The following KCNQ5 variants were observed in gnomAD, a reference collection of about 807,000 sequenced individuals.
KCNQ5 encodes potassium voltage-gated channel subfamily KQT member 5.
In KCNQ5, 30 loss-of-function variants were observed where a neutral mutation model predicts 98.2. The ratio of observed to expected loss-of-function variants is 0.31; its 90% CI spans 0.23 to 0.41. KCNQ5 has a LOEUF of 0.41. KCNQ5 is among the 10% of genes least tolerant of loss of function. The probability of loss-of-function intolerance (pLI) is 1.00; values close to 1 mark genes in which losing one functional copy is unlikely to be tolerated. For missense variants in KCNQ5, 835 were observed against 1,182.5 expected, an observed-to-expected ratio of 0.71 and a Z score of 4.31; for synonymous variants, 458 against 449.4, an observed-to-expected ratio of 1.02 and a Z score of -0.24.
In KCNQ5 at chr6:72,622,610, A is replaced by G; in HGVS notation, c.398+23A>G. 2 of 1,610,366 alleles carry G rather than the reference A, an allele frequency of 1.2e-6. No individual in the cohort carries two copies. The highest frequency in any genetic ancestry group is 2.7e-5 in the African/African-American group (2 of 74,798). On this transcript the variant is annotated intron_variant, in intron 1 of 13. Coordinates refer to ENST00000370398, the MANE Select transcript of KCNQ5 (RefSeq NM_019842.4). This position sits in a 1 kb window ranked among gnomAD's most constrained non-coding sequence, Gnocchi z 6.0. ...CGTGTGAGTACCCGCGCCCCCTGCT[A>G]TGCCCGCTGCAGGGGACCACTGTCC...
intron 1 of KCNQ5, among the ~76,000 whole-genome samples, chr6:72,761,152 C>A (rs1460997306): frequency 3.3e-5 from 5 of 152,046 alleles, no homozygotes; most frequent in Non-Finnish European, 5.9e-5. Flanking sequence ...TCACTTTCAG[C>A]TGGAAGATTA....
chr6:73,145,825 A>G (rs1043686752), intron 10 of KCNQ5, among the ~76,000 whole-genome samples: 2 of 152,192 alleles, frequency 1.3e-5, no homozygotes, highest in Admixed American at 6.5e-5. Context: ...CAGTTCCACA[A>G]CCTGTACAGG....
At chr6:72,894,185 G>A (rs1208244868) in intron 1 of KCNQ5, among the ~76,000 whole-genome samples, 2 of 152,074 alleles carry the variant, frequency 1.3e-5, no homozygotes, top group African/African-American at 2.4e-5. Context: ...ATGAGTCAAA[G>A]CAATTATTCT....
At chr6:73,079,018 A>G (rs1204649799) in intron 5 of KCNQ5, among the ~76,000 whole-genome samples, 2 of 152,204 alleles carry the variant, frequency 1.3e-5, no homozygotes, top group African/African-American at 4.8e-5. Flanking sequence ...GAAAATAATC[A>G]TAGCCAAACA....
chr6:73,090,638 A>G (rs1278364819), intron 5 of KCNQ5, among the ~76,000 whole-genome samples: 2 of 152,164 alleles, frequency 1.3e-5, no homozygotes, highest in African/African-American at 2.4e-5. Context: ...TGGCTAGCCA[A>G]TTATCCCAGC....
chr6:73,070,973 A>G (rs774140776), intron 3 of KCNQ5, among the ~76,000 whole-genome samples: 11 of 152,188 alleles, frequency 7.2e-5, no homozygotes, highest in Non-Finnish European at 1.5e-4. Flanking sequence ...ATATAGGAAA[A>G]TATTTTTATA....
At chr6:72,863,115 A>G (rs1479016176) in intron 1 of KCNQ5, among the ~76,000 whole-genome samples, 2 of 152,174 alleles carry the variant, frequency 1.3e-5, no homozygotes, top group Non-Finnish European at 2.9e-5. Context: ...TACCCTGTAA[A>G]GTGTAGAGGA....
At chr6:72,954,360 A>C (rs1766944666) in intron 1 of KCNQ5, among the ~76,000 whole-genome samples, 1 of 152,238 alleles carries the variant, frequency 6.6e-6, no homozygotes, top group Admixed American at 6.5e-5. Flanking sequence ...TAGATGGAGA[A>C]GAATGACTAA....
chr6:72,672,980 A>G (rs1376305509), intron 1 of KCNQ5, among the ~76,000 whole-genome samples: 1 of 152,222 alleles, frequency 6.6e-6, no homozygotes, highest in Non-Finnish European at 1.5e-5. Flanking sequence ...TACTCCAGTG[A>G]GCTAATACTG....
intron 1 of KCNQ5, among the ~76,000 whole-genome samples, chr6:72,851,740 TAC>T (rs1355636363): frequency 6.6e-6 from 1 of 152,078 alleles, no homozygotes; most frequent in Non-Finnish European, 1.5e-5. Context: ...GGCAAATTAA[TAC>T]TTTAAGAAAT....
At chr6:73,192,920 A>G (rs1765645514) in intron 13 of KCNQ5, among the ~76,000 whole-genome samples, 1 of 152,098 alleles carries the variant, frequency 6.6e-6, no homozygotes, top group African/African-American at 2.4e-5. Flanking sequence ...ATTGGAAACA[A>G]CTATAGATTT....
At chr6:73,192,790 A>C (rs1765640429) in intron 13 of KCNQ5, 99 bp downstream of exon 13, 2 of 1,073,230 alleles carry the variant, frequency 1.9e-6, no homozygotes, top group Non-Finnish European at 2.5e-6. Flanking sequence ...TTTTAAAATA[A>C]ATAAAATCAC....
At chr6:72,646,095 A>G (rs1765581254) in intron 1 of KCNQ5, among the ~76,000 whole-genome samples, 2 of 152,180 alleles carry the variant, frequency 1.3e-5, no homozygotes, top group Admixed American at 1.3e-4. Flanking sequence ...ATGGTATCCC[A>G]TGGACTATCA....
chr6:73,082,381 C>T (rs911522548), intron 5 of KCNQ5, among the ~76,000 whole-genome samples: 4 of 152,234 alleles, frequency 2.6e-5, no homozygotes, highest in South Asian at 4.2e-4. Context: ...AAATTCAAAA[C>T]GTCATGACCT....
chr6:72,895,792 AT>A (rs1270452932), intron 1 of KCNQ5, among the ~76,000 whole-genome samples: 2 of 151,824 alleles, frequency 1.3e-5, no homozygotes, highest in South Asian at 2.1e-4. Flanking sequence ...TTTTTAAAGA[AT>A]GGAAAAAGGA....
At chr6:73,060,564 T>A (rs751205850) in intron 3 of KCNQ5, among the ~76,000 whole-genome samples, 2 of 152,068 alleles carry the variant, frequency 1.3e-5, no homozygotes, top group Non-Finnish European at 2.9e-5. Flanking sequence ...ATAGAATACA[T>A]AAAATCAAAG....
At chr6:72,657,369 T>A (rs1342283171) in intron 1 of KCNQ5, among the ~76,000 whole-genome samples, 1 of 152,224 alleles carries the variant, frequency 6.6e-6, no homozygotes, top group Non-Finnish European at 1.5e-5. Flanking sequence ...GTGGATATGA[T>A]TTTCCATATG....
intron 10 of KCNQ5, chr6:73,135,939 G>A (rs1036594322): frequency 6.6e-6 from 1 of 152,082 alleles, no homozygotes; most frequent in African/African-American, 2.4e-5. Flanking sequence ...AATCATATTG[G>A]ATTAGGAGCC....
chr6:72,720,607 A>T (rs1451222740), intron 1 of KCNQ5, among the ~76,000 whole-genome samples: 1 of 152,226 alleles, frequency 6.6e-6, no homozygotes, highest in Non-Finnish European at 1.5e-5. Context: ...TAACATGTAG[A>T]ATTCCTTTTA....
Sources: gnomAD v4.1 joint callset for allele counts (sites outside exome capture counted in the v4.1 genomes callset) on GRCh38, gnomAD v4.1.1 for gene constraint, Gnocchi (gnomAD v3.1) non-coding constraint, MANE v1.5 for transcripts, NCBI Gene and HGNC (gene_info 2026-07-23, HGNC 2026-07-21) for gene names.